The following BMPR1B variants were observed in gnomAD, a reference collection of about 807,000 sequenced individuals.
The protein encoded by BMPR1B is bone morphogenetic protein receptor type-1B.
Under a neutral mutation model 59.1 loss-of-function variants are expected in BMPR1B, and 12 were observed. That is an observed-to-expected ratio of 0.20 (90% CI 0.13 to 0.33). The LOEUF (loss-of-function observed/expected upper bound fraction) is 0.33, where lower values mean the gene tolerates loss of function less well. Ranked by LOEUF, BMPR1B falls within the 10% of genes least tolerant of loss-of-function variation. BMPR1B has a pLI of 1.00. For synonymous variants in BMPR1B, 237 were observed against 207.3 expected, an observed-to-expected ratio of 1.14 and a Z score of -1.23; for missense variants, 550 against 610.9, an observed-to-expected ratio of 0.90 and a Z score of 1.05.
At chr4:95,121,207 G>A (rs540957888) in intron 6 of BMPR1B, among the ~76,000 whole-genome samples, 1 of 152,272 alleles carries the variant, frequency 6.6e-6, no homozygotes, top group South Asian at 2.1e-4. Flanking sequence ...AAATACATAG[G>A]AATACAGCTA....
intron 3 of BMPR1B, among the ~76,000 whole-genome samples, chr4:95,058,313 A>G (rs570009970): frequency 1.1e-4 from 16 of 152,282 alleles, no homozygotes; most frequent in African/African-American, 3.6e-4. Flanking sequence ...TTTCAAATTT[A>G]CTTTTGAAAA....
At chr4:95,036,292 G>A (rs1725238977) in intron 3 of BMPR1B, among the ~76,000 whole-genome samples, 1 of 151,986 alleles carries the variant, frequency 6.6e-6, no homozygotes, top group Admixed American at 6.6e-5. Flanking sequence ...ACCGTGTTGT[G>A]CTATTTTAAA....
At chr4:94,850,159 C>A (rs1473620650) in intron 1 of BMPR1B, among the ~76,000 whole-genome samples, 1 of 152,050 alleles carries the variant, frequency 6.6e-6, no homozygotes, top group African/African-American at 2.4e-5. Flanking sequence ...TTCCTGACTT[C>A]ATTTTTTTAA....
chr4:95,085,176 A>G lies in BMPR1B; in HGVS notation c.-17-19232A>G, dbSNP rs112016604. ...AGATTGAGAAAATGACTCTTTGATC[A>G]TAACCCAAGAAGGAATGTATCAAAG... On this transcript the variant is annotated intron_variant, in intron 3 of 12. Coordinates refer to ENST00000515059, the MANE Select transcript of BMPR1B (RefSeq NM_001203.3). 8.7e-4 allele frequency among the ~76,000 whole-genome samples: 133 copies of G among 152,278 alleles called. 1 individual carries two copies. The South Asian group carries it at 0.01, about 12-fold the overall frequency.
In BMPR1B at chr4:95,104,298, T is replaced by C. The variant is rs770413791; in HGVS notation, c.-17-110T>C. On this transcript the variant is annotated intron_variant, in intron 3 of 12. Coordinates refer to ENST00000515059, the MANE Select transcript of BMPR1B (RefSeq NM_001203.3). ...ATGTCTGTTTTTCTGTTTAAATCTT[T>C]AAGTATCTTGAATACTTCATTTTAA... 1.3e-5 allele frequency: 16 copies of C among 1,260,664 alleles called. No homozygotes were observed. In the Admixed American group the frequency reaches 2.9e-4, roughly 23 times the overall value. The allele number at this position is 1,260,664 out of a possible 1,614,324, so 78.1% of individuals were successfully genotyped here. A position where few individuals can be genotyped will look rare whatever the true frequency, so the allele number is the denominator to read the frequency against.
rs555509616 is a variant in BMPR1B at position 95,157,336 on chromosome 4, G to T, written c.*2663G>T. The T allele has an allele frequency of 2.0e-5, 3 of 152,072 alleles. No individual in the cohort carries two copies. Among genetic ancestry groups the T allele is most frequent in the African/African-American group, 7.2e-5 (3 of 41,516 alleles). 9.4% of individuals were successfully genotyped at this position (152,072 alleles called of 1,614,324 possible). A position where few individuals can be genotyped will look rare whatever the true frequency, so the allele number is the denominator to read the frequency against. On this transcript the variant is annotated 3_prime_UTR_variant, in exon 13 of 13. Coordinates refer to ENST00000515059, the MANE Select transcript of BMPR1B (RefSeq NM_001203.3). Reference sequence around the variant, plus strand: ...ATCTTACCAAAATCCACTTTACTTAGATAACACTAAATTGTTCTTAAAGAC... The same window carrying T: ...ATCTTACCAAAATCCACTTTACTTATATAACACTAAATTGTTCTTAAAGAC...
At chr4:94,759,939 T>G (rs201558572) in intron 1 of BMPR1B, among the ~76,000 whole-genome samples, 89 of 152,346 alleles carry the variant, frequency 5.8e-4, no homozygotes, top group Non-Finnish European at 1.1e-3. Context: ...ATAATGTACC[T>G]TTGTGTTTAG....
intron 10 of BMPR1B, among the ~76,000 whole-genome samples, chr4:95,139,498 A>T (rs1579148446): frequency 1.3e-5 from 2 of 152,114 alleles, no homozygotes. Flanking sequence ...GTTCAGCTGT[A>T]CTCTGCCCCC....
intron 1 of BMPR1B, among the ~76,000 whole-genome samples, chr4:94,807,327 A>C (rs2110632481): frequency 6.6e-6 from 1 of 152,260 alleles, no homozygotes; most frequent in East Asian, 1.9e-4. Context: ...TCCTGAGCTC[A>C]AGCAATCTGC....
intron 2 of BMPR1B, among the ~76,000 whole-genome samples, chr4:94,981,937 T>A (rs962918190): frequency 6.6e-6 from 1 of 152,214 alleles, no homozygotes; most frequent in South Asian, 2.1e-4. Context: ...TTTCAGCAGA[T>A]AGGCTTAAGA....
At chr4:94,904,773 T>C (rs1338507640) in intron 2 of BMPR1B, among the ~76,000 whole-genome samples, 2 of 152,072 alleles carry the variant, frequency 1.3e-5, no homozygotes, top group Admixed American at 1.3e-4. Flanking sequence ...CTACTCACTT[T>C]TTAGCATTGG....
At chr4:94,874,577 G>C (rs998166950) in intron 1 of BMPR1B, among the ~76,000 whole-genome samples, 15 of 152,076 alleles carry the variant, frequency 9.9e-5, no homozygotes, top group Non-Finnish European at 2.1e-4. Context: ...TTGGTGATGT[G>C]AATACTAACA....
chr4:94,792,158 G>A (rs4699694), intron 1 of BMPR1B, among the ~76,000 whole-genome samples: 84,737 of 151,960 alleles, frequency 0.56, 23,805 homozygotes, highest in East Asian at 0.7. Flanking sequence ...TATCACTGAT[G>A]AGCAACTTTA....
At chr4:95,147,157 G>A (rs1428460752) in intron 10 of BMPR1B, among the ~76,000 whole-genome samples, 1 of 151,926 alleles carries the variant, frequency 6.6e-6, no homozygotes, top group Non-Finnish European at 1.5e-5. Context: ...ACCACGAGGG[G>A]CCTAATGAGT....
At chr4:95,137,655 A>C (rs911081757) in intron 10 of BMPR1B, among the ~76,000 whole-genome samples, 2 of 152,184 alleles carry the variant, frequency 1.3e-5, no homozygotes, top group African/African-American at 4.8e-5. Flanking sequence ...CTTTACCATT[A>C]TGTAATGGCC....
intron 1 of BMPR1B, among the ~76,000 whole-genome samples, chr4:94,846,982 G>A (rs1725361210): frequency 6.6e-6 from 1 of 152,078 alleles, no homozygotes; most frequent in Non-Finnish European, 1.5e-5. Context: ...CTTCTGTACT[G>A]TAAAAGAAAG....
Position 95,072,413 on chromosome 4 carries a change from T to C in BMPR1B, c.-17-31995T>C, listed in dbSNP as rs75928507. Among the ~76,000 whole-genome samples the C allele has an allele frequency of 7.7e-3, 1,176 of 152,296 alleles. 17 individuals carry two copies. The highest frequency in any genetic ancestry group is 0.026 in the African/African-American group (1,098 of 41,572). ...TCACAATAACCAATTTTAAGTTCATTCACATTTATTCAATCAGGAAGCATC... is the reference window on the plus strand; with the variant it reads ...TCACAATAACCAATTTTAAGTTCATCCACATTTATTCAATCAGGAAGCATC... On this transcript the variant is annotated intron_variant, in intron 3 of 12. Transcript: ENST00000515059.
At chr4:94,945,296 G>C (rs1191113248) in intron 2 of BMPR1B, among the ~76,000 whole-genome samples, 1 of 152,132 alleles carries the variant, frequency 6.6e-6, no homozygotes, top group African/African-American at 2.4e-5. Flanking sequence ...AGAAAAACAA[G>C]AACTATTGGT....
intron 10 of BMPR1B, among the ~76,000 whole-genome samples, chr4:95,137,051 G>C (rs1733848476): frequency 6.6e-6 from 1 of 152,130 alleles, no homozygotes; most frequent in Admixed American, 6.5e-5. Flanking sequence ...GGCATTTAGT[G>C]CTATGAATTT....
Sources: gnomAD v4.1 joint callset for allele counts (sites outside exome capture counted in the v4.1 genomes callset) on GRCh38, gnomAD v4.1.1 for gene constraint, MANE v1.5 for transcripts, NCBI Gene and HGNC (gene_info 2026-07-23, HGNC 2026-07-21) for gene names.